SPPL3: variants seen among roughly 807,000 people sequenced by gnomAD.
The protein encoded by SPPL3 is signal peptide peptidase like 3, also known as signal peptide peptidase-like 3.
SPPL3 carries 5 observed loss-of-function variants against 42.4 expected under a neutral mutation model. That is an observed-to-expected ratio of 0.12 (90% CI 0.06 to 0.25). The LOEUF (loss-of-function observed/expected upper bound fraction) is 0.25. SPPL3 is among the 10% of genes least tolerant of loss of function. SPPL3 has a pLI of 1.00. For synonymous variants in SPPL3, 195 were observed against 181.8 expected (o/e 1.07, Z -0.58); for missense variants, 235 against 489.0 (o/e 0.48, Z 4.90).
chr12:120,844,457 C>T (rs931167547), intron 1 of SPPL3, among the ~76,000 whole-genome samples: 21 of 152,166 alleles, frequency 1.4e-4, no homozygotes, highest in Non-Finnish European at 2.6e-4. Flanking sequence ...AGCCTCCCAT[C>T]GTGCTGATAA....
chr12:120,844,827 C>T (rs911888953), intron 1 of SPPL3, among the ~76,000 whole-genome samples: 4 of 151,902 alleles, frequency 2.6e-5, no homozygotes, highest in South Asian at 4.2e-4. Flanking sequence ...CCTACATCCC[C>T]TCTCAGCACT....
intron 1 of SPPL3, among the ~76,000 whole-genome samples, chr12:120,876,016 A>AC (rs36042995): frequency 0.41 from 58,320 of 143,826 alleles, 14,084 homozygotes; most frequent in Admixed American, 0.57. Context: ...AAACAAACAG[A>AC]CCCCCCCCAC....
At chr12:120,858,417 T>A (rs1255484231) in intron 1 of SPPL3, among the ~76,000 whole-genome samples, 1 of 150,944 alleles carries the variant, frequency 6.6e-6, no homozygotes, top group Non-Finnish European at 1.5e-5. Context: ...GATCGCAACA[T>A]TGCACTCCAG....
At chr12:120,830,943 G>A (rs1319224817) in intron 1 of SPPL3, among the ~76,000 whole-genome samples, 2 of 152,138 alleles carry the variant, frequency 1.3e-5, no homozygotes, top group African/African-American at 4.8e-5. Flanking sequence ...GTGTGTGAGA[G>A]TGTTTCTGGA....
chr12:120,765,133 T>G, intron 10 of SPPL3, 63 bp from the exon 11 acceptor site: 2 of 1,531,408 alleles, frequency 1.3e-6, no homozygotes, highest in Non-Finnish European at 1.8e-6. Context: ...GCTGTCTGAT[T>G]CTTTAAAAAA....
chr12:120,874,478 AGAAAT>A (rs1873023104), intron 1 of SPPL3, among the ~76,000 whole-genome samples: 1 of 151,538 alleles, frequency 6.6e-6, no homozygotes, highest in Admixed American at 6.6e-5. Flanking sequence ...AAAGAATAAA[AGAAAT>A]AAGTGAGTAA....
At chr12:120,818,903 A>G (rs1870965648) in intron 1 of SPPL3, among the ~76,000 whole-genome samples, 1 of 152,278 alleles carries the variant, frequency 6.6e-6, no homozygotes, top group Admixed American at 6.5e-5. Context: ...TTCCAAAACA[A>G]AACAGAACAA....
chr12:120,858,439 A>T (rs73214894), intron 1 of SPPL3, among the ~76,000 whole-genome samples: 3,700 of 150,164 alleles, frequency 0.025, 73 homozygotes, highest in Middle Eastern at 0.051. Context: ...CTGGGTAACA[A>T]AAACAAGACT....
chr12:120,796,111 C>T (rs1772767249), intron 2 of SPPL3, among the ~76,000 whole-genome samples: 1 of 152,168 alleles, frequency 6.6e-6, no homozygotes, highest in African/African-American at 2.4e-5. Flanking sequence ...CACAGTGGTT[C>T]ACGACTGTGA....
Position 120,903,864 on chromosome 12 carries a change from C to A in SPPL3, c.4G>T (p.Ala2Ser). M[A>S]EQTYSWAYSL... is the part of the protein sequence containing the mutation. ...ACTCACCACGAGTAGGTCTGCTCCGCCATGGCGCTGCCTCTCGTGGGCTCC... is the reference window on the plus strand; with the variant it reads ...ACTCACCACGAGTAGGTCTGCTCCGACATGGCGCTGCCTCTCGTGGGCTCC... The change falls in exon 1 of 11, where the codon GCG becomes TCG. Residue 2 changes from alanine to serine, a missense_variant. Transcript: ENST00000353487. 1 of 1,453,570 alleles carries A rather than the reference C, an allele frequency of 6.9e-7. No individual in the cohort carries two copies. 90.0% of individuals were successfully genotyped at this position (1,453,570 alleles called of 1,614,324 possible). A position where few individuals can be genotyped will look rare whatever the true frequency, so the allele number is the denominator to read the frequency against.
rs538337843 is a variant in SPPL3 at position 120,848,164 on chromosome 12, T to C, written c.24-37278A>G. Reference sequence around the variant, plus strand: ...CGAATCTATTAAAGGGAGAGGAAATTCACTAGCACTGCCCTGACAGAATCT... The same window carrying C: ...CGAATCTATTAAAGGGAGAGGAAATCCACTAGCACTGCCCTGACAGAATCT... On this transcript the variant is annotated intron_variant, in intron 1 of 10. Transcript: ENST00000353487. 3.9e-5 allele frequency among the ~76,000 whole-genome samples: 6 copies of C among 152,246 alleles called. No individual in the cohort carries two copies. In the South Asian group the frequency reaches 6.2e-4, roughly 16 times the overall value.
chr12:120,868,297 T>G (rs181348896), intron 1 of SPPL3, among the ~76,000 whole-genome samples: 2 of 152,058 alleles, frequency 1.3e-5, no homozygotes, highest in Non-Finnish European at 2.9e-5. Flanking sequence ...AAATGGTATC[T>G]GATAAAGTGG....
intron 1 of SPPL3, among the ~76,000 whole-genome samples, chr12:120,828,335 A>G (rs1179332229): frequency 6.6e-6 from 1 of 152,196 alleles, no homozygotes; most frequent in Non-Finnish European, 1.5e-5. Flanking sequence ...ATGTTTATAC[A>G]GGCAAATCTA....
intron 1 of SPPL3, among the ~76,000 whole-genome samples, chr12:120,856,708 G>C (rs1329826192): frequency 6.6e-6 from 1 of 151,916 alleles, no homozygotes; most frequent in Non-Finnish European, 1.5e-5. Flanking sequence ...AAAGCTAAGT[G>C]ATCAGGTAGC....
intron 10 of SPPL3, 113 bp downstream of exon 10, chr12:120,766,150 T>A: frequency 2.6e-6 from 2 of 761,392 alleles, no homozygotes; most frequent in Non-Finnish European, 4.1e-6. Context: ...ACAGTCGAGA[T>A]CACAAGCTCA....
At chr12:120,801,877 T>A (rs1466129929) in intron 2 of SPPL3, among the ~76,000 whole-genome samples, 1 of 152,202 alleles carries the variant, frequency 6.6e-6, no homozygotes, top group African/African-American at 2.4e-5. Context: ...TCTTCAACTT[T>A]AAATTGGGTG....
rs144294781 is a variant in SPPL3 at position 120,900,782 on chromosome 12, C to T, written c.23+3063G>A. On this transcript the variant is annotated intron_variant, in intron 1 of 10. Transcript: ENST00000353487. ...ATAAATAAATAAATAAACTAGCAGA[C>T]GTGGTTGTGCACGTCTGTGGTCCCA... is the stretch of plus-strand genomic sequence containing the variant. Among the ~76,000 whole-genome samples, 81 of 151,930 alleles carry T rather than the reference C, an allele frequency of 5.3e-4. 3 individuals are homozygous for T. The highest frequency in any genetic ancestry group is 1.5e-4 in the Non-Finnish European group (10 of 67,950).
At chr12:120,871,867 T>C (rs1012803972) in intron 1 of SPPL3, among the ~76,000 whole-genome samples, 1 of 152,250 alleles carries the variant, frequency 6.6e-6, no homozygotes, top group African/African-American at 2.4e-5. Context: ...GTAAATGCTA[T>C]ATAAATACAG....
chr12:120,867,008 G>C (rs1393046834), intron 1 of SPPL3, among the ~76,000 whole-genome samples: 1 of 152,142 alleles, frequency 6.6e-6, no homozygotes, highest in Non-Finnish European at 1.5e-5. Flanking sequence ...TCCATCCTAA[G>C]TCATGAGTCA....
Sources: allele counts gnomAD v4.1 joint callset (sites outside exome capture counted in the v4.1 genomes callset), GRCh38; gene constraint gnomAD v4.1.1; transcripts MANE v1.5; gene names NCBI Gene and HGNC (gene_info 2026-07-23, HGNC 2026-07-21).